Variants in PCSK2 observed in about 807,000 individuals in gnomAD.
PCSK2 encodes the protein neuroendocrine convertase 2.
PCSK2 carries 14 observed loss-of-function variants against 69.7 expected under a neutral mutation model. The observed-to-expected ratio is 0.20, with a 90% CI of 0.13 to 0.31. The LOEUF (loss-of-function observed/expected upper bound fraction) is 0.31. PCSK2 is among the 10% of genes least tolerant of loss of function. The pLI is 1.00. For synonymous variants in PCSK2, 307 were observed against 320.7 expected (o/e 0.96, Z 0.46); for missense variants, 544 against 842.5 (o/e 0.65, Z 4.39).
At chr20:17,288,076 A>G (rs115295579) in intron 2 of PCSK2, among the ~76,000 whole-genome samples, 1 of 152,144 alleles carries the variant, frequency 6.6e-6, no homozygotes, top group African/African-American at 2.4e-5. Context: ...ACAGCTGTAC[A>G]TGCCCTTCCC....
chr20:17,481,413 A>AAAAAAAAAAAAGAG lies in PCSK2; in HGVS notation c.1431-170_1431-169insAAAAAAAAAAGAGA, dbSNP rs113487407. ...CAAAAAAAAAAAAAAAAAAAAAAAA[A>AAAAAAAAAAAAGAG]AGAGATAAGTAACTTACTCAGGCTC... On this transcript the variant is annotated intron_variant, in intron 11 of 11. Coordinates refer to ENST00000262545, the MANE Select transcript of PCSK2 (RefSeq NM_002594.5). Among the ~76,000 whole-genome samples, 8 of 115,820 alleles carry AAAAAAAAAAAAGAG rather than the reference A, an allele frequency of 6.9e-5. 1 individual carries two copies. Among genetic ancestry groups the AAAAAAAAAAAAGAG allele is most frequent in the African/African-American group, 1.2e-4 (3 of 25,814 alleles). 76.0% of individuals were successfully genotyped at this position (115,820 alleles called of 152,430 possible). A position where few individuals can be genotyped will look rare whatever the true frequency, so the allele number is the denominator to read the frequency against.
chr20:17,371,220 G>T (rs1377012224), intron 5 of PCSK2, among the ~76,000 whole-genome samples: 12 of 152,184 alleles, frequency 7.9e-5, no homozygotes, highest in Admixed American at 7.9e-4. Flanking sequence ...ACCGACCTCT[G>T]CATCCTTCCC....
intron 1 of PCSK2, among the ~76,000 whole-genome samples, chr20:17,230,234 C>G (rs921452679): frequency 2.0e-5 from 3 of 152,202 alleles, no homozygotes; most frequent in Admixed American, 1.3e-4. Flanking sequence ...GCTCCCTGCT[C>G]CGAGGCTCAG....
At chr20:17,294,302 T>G (rs1600458920) in intron 2 of PCSK2, among the ~76,000 whole-genome samples, 1 of 151,618 alleles carries the variant, frequency 6.6e-6, no homozygotes, top group Admixed American at 6.6e-5. Flanking sequence ...GAGACGGGGT[T>G]TCACCGTGTT....
At chr20:17,481,413 A>AAAAAAGAGAG (rs113487407) in intron 11 of PCSK2, among the ~76,000 whole-genome samples, 171 bp from the exon 12 acceptor site, 1 of 115,820 alleles carries the variant, frequency 8.6e-6, no homozygotes, top group African/African-American at 3.9e-5. Context: ...AAAAAAAAAA[A>AAAAAAGAGAG]AGAGATAAGT....
intron 6 of PCSK2, among the ~76,000 whole-genome samples, chr20:17,421,805 G>T (rs2123324773): frequency 1.7e-5 from 1 of 58,710 alleles, no homozygotes; most frequent in South Asian, 5.1e-4. Flanking sequence ...AAGGAAGAGA[G>T]GTAAAAAAAA....
intron 1 of PCSK2, among the ~76,000 whole-genome samples, chr20:17,236,397 A>G (rs1324649707): frequency 6.6e-6 from 1 of 152,148 alleles, no homozygotes; most frequent in Non-Finnish European, 1.5e-5. Flanking sequence ...GATAGGTTAC[A>G]TATATTTAAT....
intron 2 of PCSK2, among the ~76,000 whole-genome samples, chr20:17,344,779 G>T (rs1240241485): frequency 6.6e-6 from 1 of 152,042 alleles, no homozygotes; most frequent in Non-Finnish European, 1.5e-5. Context: ...AACTTTGGAA[G>T]GCTCTTTTCC....
chr20:17,261,036 CT>C (rs1987363432), intron 2 of PCSK2, among the ~76,000 whole-genome samples: 1 of 152,170 alleles, frequency 6.6e-6, no homozygotes, highest in African/African-American at 2.4e-5. Flanking sequence ...AACATATCAT[CT>C]TAGCAACAAA....
chr20:17,355,923 C>A (rs902949199), intron 2 of PCSK2, among the ~76,000 whole-genome samples: 7 of 152,162 alleles, frequency 4.6e-5, no homozygotes, highest in African/African-American at 1.7e-4. Context: ...ATGAATTTGC[C>A]CAACTTTGTT....
chr20:17,401,764 G>C (rs1600550565), intron 5 of PCSK2, among the ~76,000 whole-genome samples: 1 of 152,292 alleles, frequency 6.6e-6, no homozygotes, highest in Non-Finnish European at 1.5e-5. Flanking sequence ...ATGCTCACAG[G>C]TACTGCTAAT....
At chr20:17,434,099 C>T (rs1351767502) in intron 7 of PCSK2, among the ~76,000 whole-genome samples, 1 of 144,314 alleles carries the variant, frequency 6.9e-6, no homozygotes, top group Non-Finnish European at 1.5e-5. Context: ...TCTCTCTCTC[C>T]CACTCTCTCC....
At chr20:17,279,735 C>T (rs911320034) in intron 2 of PCSK2, among the ~76,000 whole-genome samples, 8 of 147,280 alleles carry the variant, frequency 5.4e-5, no homozygotes, top group East Asian at 2.0e-4. Context: ...TGCTGTGAGC[C>T]GAGATCGCGC....
At chr20:17,347,788 G>T (rs189516928) in intron 2 of PCSK2, among the ~76,000 whole-genome samples, 2 of 14,002 alleles carry the variant, frequency 1.4e-4, no homozygotes. Context: ...ACACATAGAC[G>T]AAAGAAAGAA....
chr20:17,389,514 G>T (rs2031318850), intron 5 of PCSK2, among the ~76,000 whole-genome samples: 1 of 151,958 alleles, frequency 6.6e-6, no homozygotes, highest in Non-Finnish European at 1.5e-5. Flanking sequence ...ATGCTCTTTG[G>T]TTCATGGAAA....
At chr20:17,353,465 C>A (rs11907346) in intron 2 of PCSK2, among the ~76,000 whole-genome samples, 130,204 of 145,166 alleles carry the variant, frequency 0.9, 58,481 homozygotes, top group South Asian at 0.95. Flanking sequence ...CTCCATCACA[C>A]AAAAAAAAAA....
chr20:17,276,481 T>C (rs201273482), intron 2 of PCSK2, among the ~76,000 whole-genome samples: 1,569 of 105,420 alleles, frequency 0.015, 17 homozygotes, highest in East Asian at 0.04. Context: ...CACACACACA[T>C]ACCATGTTTA....
chr20:17,479,470 T>C, intron 11 of PCSK2: 1 of 501,190 alleles, frequency 2.0e-6, no homozygotes, highest in Admixed American at 3.2e-5. Context: ...GCTACGCCTG[T>C]GCCTGGTATT....
intron 6 of PCSK2, among the ~76,000 whole-genome samples, chr20:17,423,033 T>G (rs2032165714): frequency 6.6e-6 from 1 of 152,174 alleles, no homozygotes; most frequent in African/African-American, 2.4e-5. Flanking sequence ...AAAAACATCT[T>G]TATGATCATG....
Sources: gnomAD v4.1 joint callset for allele counts (sites outside exome capture counted in the v4.1 genomes callset) on GRCh38, gnomAD v4.1.1 for gene constraint, MANE v1.5 for transcripts, NCBI Gene and HGNC (gene_info 2026-07-23, HGNC 2026-07-21) for gene names.